ANLN: variants seen among roughly 807,000 people sequenced by gnomAD.
ANLN encodes the protein anillin, actin binding protein.
ANLN carries 59 observed loss-of-function variants against 135.1 expected under a neutral mutation model. The observed-to-expected ratio is 0.44, with a 90% CI of 0.35 to 0.54. The LOEUF (loss-of-function observed/expected upper bound fraction) is 0.54, where lower values mean the gene tolerates loss of function less well. ANLN is among the 20% of genes least tolerant of loss of function. ANLN has a pLI of 0.00. For missense variants in ANLN, 1,182 were observed against 1,340.0 expected (o/e 0.88, Z 1.84); for synonymous variants, 406 against 456.4 (o/e 0.89, Z 1.41).
Position 36,443,475 on chromosome 7 carries a change from C to T in ANLN, c.2971-280C>T, listed in dbSNP as rs1054495412. On this transcript the variant is annotated intron_variant, in intron 21 of 23. Transcript: ENST00000265748. The stretch of plus-strand genomic sequence containing the variant: ...TGTTTAAGGAGCATTTGATTAGGGA[C>T]ACTATACTTTTTAAAAGTCTTAAAG... Among the ~76,000 whole-genome samples, 18 of 149,888 alleles carry T rather than the reference C, an allele frequency of 1.2e-4. No homozygotes were observed. The East Asian group carries it at 3.3e-3, about 27-fold the overall frequency.
intron 19 of ANLN, 39 bp from the exon 20 acceptor site, chr7:36,426,877 G>A: frequency 7.5e-7 from 1 of 1,336,214 alleles, no homozygotes; most frequent in East Asian, 2.5e-5. Flanking sequence ...CTTAACAAAA[G>A]TCATTCTGAA....
intron 9 of ANLN, among the ~76,000 whole-genome samples, chr7:36,418,025 C>A (rs1787717982): frequency 6.6e-6 from 1 of 152,144 alleles, no homozygotes; most frequent in South Asian, 2.1e-4. Context: ...GTTTCTGTGA[C>A]CCCCTCTTTA....
At chr7:36,434,464 C>T (rs778896062) in intron 20 of ANLN, among the ~76,000 whole-genome samples, 13 of 152,216 alleles carry the variant, frequency 8.5e-5, no homozygotes, top group Non-Finnish European at 1.6e-4. Flanking sequence ...GAAGGCTCAA[C>T]TGGTTTCTCC....
At position 36,407,871 on chromosome 7, in the gene ANLN, T is replaced by C. The variant is rs567271624; in HGVS notation, c.1011T>C (p.Thr337=). The change falls in exon 5 of 24, where the codon ACT becomes ACC. Residue 337 remains threonine, a synonymous_variant. Transcript: ENST00000265748. ...TATCGAAACCAATTGTGAAGTCAAC[T>C]TTATCCCAGACAGTTCCATCCAAGG... ...TGVSKPIVKS[T]LSQTVPSKGE... 1 of 1,613,942 alleles carries C rather than the reference T, an allele frequency of 6.2e-7. No homozygotes were observed. Among genetic ancestry groups the C allele is most frequent in the South Asian group, 1.1e-5 (1 of 91,074 alleles).
chr7:36,414,811 A>T (rs1274949829), intron 7 of ANLN, among the ~76,000 whole-genome samples: 2 of 152,236 alleles, frequency 1.3e-5, no homozygotes, highest in Non-Finnish European at 2.9e-5. Context: ...CTGGAACTAG[A>T]CCTGGAACAA....
At chr7:36,428,023 C>CT (rs1788159029) in intron 20 of ANLN, among the ~76,000 whole-genome samples, 1 of 152,134 alleles carries the variant, frequency 6.6e-6, no homozygotes, top group Admixed American at 6.5e-5. Flanking sequence ...GTGATTTACT[C>CT]TTTAACATTG....
At chr7:36,411,561 A>G (rs1409815440) in intron 7 of ANLN, among the ~76,000 whole-genome samples, 1 of 152,206 alleles carries the variant, frequency 6.6e-6, no homozygotes, top group African/African-American at 2.4e-5. Flanking sequence ...TTCAGTCACC[A>G]CATACCTCCC....
At chr7:36,395,062 A>G (rs951770764) in intron 1 of ANLN, among the ~76,000 whole-genome samples, 2 of 152,216 alleles carry the variant, frequency 1.3e-5, no homozygotes, top group Non-Finnish European at 2.9e-5. Context: ...TTTTCAAAGG[A>G]CTAATATGTT....
chr7:36,392,605 A>T (rs1786525165), intron 1 of ANLN, among the ~76,000 whole-genome samples: 1 of 151,128 alleles, frequency 6.6e-6, no homozygotes, highest in Admixed American at 6.6e-5. Context: ...AAAATTCCTG[A>T]TATACTATTA....
Position 36,420,625 on chromosome 7 carries a change from A to G in ANLN, c.2044A>G (p.Lys682Glu), listed in dbSNP as rs777972386. Residue 682 changes from lysine (K) to glutamate (E), a missense_variant, in exon 12 of 24, where the codon AAA becomes GAA. Lys to Glu is a moderately conservative substitution (Grantham distance 56). This residue lies in a region of ANLN where 1,022 missense variants were observed against 1,134.0 expected (regional missense o/e 0.90). Coordinates refer to ENST00000265748, the MANE Select transcript of ANLN (RefSeq NM_018685.5). ...SIDAYRSQRF[K>E]ETERPSIKQV... is the part of the protein sequence containing the mutation. ...TGATGCATATAGATCTCAAAGATTC[A>G]AAGAAACAGAACGTCCATCAATAAA... is the stretch of plus-strand genomic sequence containing the variant. 1.9e-6 allele frequency: 3 copies of G among 1,613,526 alleles called. No homozygotes were observed. Among genetic ancestry groups the G allele is most frequent in the Admixed American group, 3.3e-5 (2 of 60,020 alleles).
intron 11 of ANLN, 61 bp downstream of exon 11, chr7:36,420,375 C>A: frequency 1.9e-6 from 3 of 1,553,454 alleles, no homozygotes; most frequent in South Asian, 2.4e-5. Context: ...TGACATAAGT[C>A]GTGTTATAAT....
Position 36,424,499 on chromosome 7 carries a change from A to T in ANLN, c.2604-46A>T, listed in dbSNP as rs201865879. The T allele has an allele frequency of 6.4e-4, 934 of 1,464,692 alleles. 7 individuals are homozygous for T. The highest frequency in any genetic ancestry group is 9.5e-4 in the South Asian group (77 of 81,182). 90.7% of individuals were successfully genotyped at this position (1,464,692 alleles called of 1,614,324 possible). ...TTGTAGCATCATTTTTAATGGTGTGATTGAGGTTTTCTCTCAAGGTTTTAC... is the reference window on the plus strand; with the variant it reads ...TTGTAGCATCATTTTTAATGGTGTGTTTGAGGTTTTCTCTCAAGGTTTTAC... On this transcript the variant is annotated intron_variant, in intron 15 of 23. Coordinates refer to ENST00000265748, the MANE Select transcript of ANLN (RefSeq NM_018685.5).
intron 20 of ANLN, chr7:36,428,424 A>G (rs777456346): frequency 1.5e-5 from 14 of 920,878 alleles, no homozygotes. Context: ...TTTTTGATCT[A>G]CATATATTTG....
At chr7:36,407,132 G>A (rs976468447) in intron 4 of ANLN, among the ~76,000 whole-genome samples, 1 of 152,192 alleles carries the variant, frequency 6.6e-6, no homozygotes, top group Non-Finnish European at 1.5e-5. Flanking sequence ...GTCTTTTAGT[G>A]TAGAGCTAGG....
chr7:36,409,751 G>A (rs1377927255), intron 5 of ANLN, among the ~76,000 whole-genome samples: 4 of 152,110 alleles, frequency 2.6e-5, no homozygotes, highest in African/African-American at 9.6e-5. Context: ...TCAGCTTACT[G>A]CAGCCTCGAC....
intron 2 of ANLN, 81 bp downstream of exon 2, chr7:36,396,500 A>G (rs1786706462): frequency 5.1e-6 from 7 of 1,377,504 alleles, no homozygotes; most frequent in East Asian, 4.8e-5. Flanking sequence ...TCATTAGCAT[A>G]TAGAAGAACC....
At chr7:36,409,039 G>A (rs937691385) in intron 5 of ANLN, among the ~76,000 whole-genome samples, 1 of 152,108 alleles carries the variant, frequency 6.6e-6, no homozygotes, top group Non-Finnish European at 1.5e-5. Flanking sequence ...GTGGGGAAGC[G>A]GTTATGGGGT....
Position 36,449,802 on chromosome 7 carries a change from T to C in ANLN, c.3216T>C (p.Leu1072=). ...AAAGAGAAGATGACCGAGAGACTCTTGTCAGCCAATGCAGGGACACACTCT... is the reference window on the plus strand; with the variant it reads ...AAAGAGAAGATGACCGAGAGACTCTCGTCAGCCAATGCAGGGACACACTCT... ...RPQREDDRET[L]VSQCRDTLCV... The change falls in exon 23 of 24, where the codon CTT becomes CTC. Residue 1072 remains leucine (L), a synonymous_variant. Coordinates refer to ENST00000265748, the MANE Select transcript of ANLN (RefSeq NM_018685.5). 6.2e-7 allele frequency: 1 copy of C among 1,613,968 alleles called. No homozygotes were observed. The highest frequency in any genetic ancestry group is 8.5e-7 in the Non-Finnish European group (1 of 1,179,928).
At chr7:36,423,745 G>T in intron 14 of ANLN, 72 bp from the exon 15 acceptor site, 11 of 1,347,698 alleles carry the variant, frequency 8.2e-6, no homozygotes, top group South Asian at 7.3e-5. Flanking sequence ...TATTTCTTTG[G>T]TATTCCAGAA....
Sources: gnomAD v4.1 joint callset for allele counts (sites outside exome capture counted in the v4.1 genomes callset) on GRCh38, gnomAD v4.1.1 for gene constraint, gnomAD v4.1.1 regional missense constraint, MANE v1.5 for transcripts, NCBI Gene and HGNC (gene_info 2026-07-23, HGNC 2026-07-21) for gene names.